ATP6V1C1: variants seen among roughly 807,000 people sequenced by gnomAD.
The protein encoded by ATP6V1C1 is ATPase H+ transporting V1 subunit C1.
A neutral mutation model predicts 53.9 loss-of-function variants in ATP6V1C1; 45 were observed. That is an observed-to-expected ratio of 0.83 (90% CI 0.66 to 1.07). The LOEUF (loss-of-function observed/expected upper bound fraction) is 1.07. Ranked by LOEUF, ATP6V1C1 falls within the 50% of genes least tolerant of loss-of-function variation. ATP6V1C1 has a pLI of 0.00. For synonymous variants in ATP6V1C1, 153 were observed against 155.2 expected (o/e 0.99, Z 0.11); for missense variants, 315 against 440.3 (o/e 0.72, Z 2.55).
intron 12 of ATP6V1C1, among the ~76,000 whole-genome samples, chr8:103,067,592 CTT>C (rs1379745586): frequency 2.3e-5 from 3 of 130,108 alleles, no homozygotes; most frequent in Non-Finnish European, 5.0e-5. Context: ...CACTTTTTTT[CTT>C]TTTCTTTTTT....
chr8:103,022,773 G>A (rs1334586334), intron 1 of ATP6V1C1, among the ~76,000 whole-genome samples: 2 of 152,140 alleles, frequency 1.3e-5, no homozygotes, highest in Non-Finnish European at 2.9e-5. Flanking sequence ...TCCAGGCCTG[G>A]CAGGGTGGCT....
intron 4 of ATP6V1C1, among the ~76,000 whole-genome samples, chr8:103,049,273 A>G (rs540688218): frequency 6.6e-6 from 1 of 152,354 alleles, no homozygotes; most frequent in East Asian, 1.9e-4. Flanking sequence ...ATTTACAAGT[A>G]AGTTTCCAAG....
chr8:103,058,700 AATATTCAATCT>A (rs1817334303), intron 8 of ATP6V1C1, among the ~76,000 whole-genome samples: 1 of 152,250 alleles, frequency 6.6e-6, no homozygotes. Context: ...TATTCACTTT[AATATTCAATCT>A]AATATTTTTC....
At chr8:103,066,956 T>C (rs1304758795) in intron 12 of ATP6V1C1, among the ~76,000 whole-genome samples, 1 of 150,180 alleles carries the variant, frequency 6.7e-6, no homozygotes, top group Non-Finnish European at 1.5e-5. Flanking sequence ...CTGGGTAACA[T>C]AGTAAGATCC....
intron 1 of ATP6V1C1, among the ~76,000 whole-genome samples, chr8:103,033,371 G>A (rs1386704690): frequency 2.0e-5 from 3 of 152,186 alleles, no homozygotes; most frequent in Non-Finnish European, 4.4e-5. Context: ...AAAACGGGAA[G>A]TGAGGGAAGC....
At chr8:103,038,233 G>C (rs926655109) in intron 1 of ATP6V1C1, among the ~76,000 whole-genome samples, 8 of 152,162 alleles carry the variant, frequency 5.3e-5, no homozygotes, top group African/African-American at 1.9e-4. Context: ...GGTTCATGCT[G>C]GTTGTTGGTT....
In ATP6V1C1 at chr8:103,065,152, C is replaced by A. The variant is rs576843376; in HGVS notation, c.926+341C>A. On this transcript the variant is annotated intron_variant, in intron 11 of 12. Coordinates refer to ENST00000518738, the MANE Select transcript of ATP6V1C1 (RefSeq NM_001695.5). ...CATTGGATACATAGTATGCTAATGA[C>A]TTATTGAAATCATTTCATATTAACC... 3.3e-5 allele frequency among the ~76,000 whole-genome samples: 5 copies of A among 152,226 alleles called. No individual in the cohort carries two copies. In the East Asian group the frequency reaches 9.6e-4, roughly 29 times the overall value.
intron 1 of ATP6V1C1, among the ~76,000 whole-genome samples, chr8:103,022,912 G>T (rs1816623722): frequency 6.6e-6 from 1 of 152,112 alleles, no homozygotes; most frequent in African/African-American, 2.4e-5. Context: ...AACTAGCTGG[G>T]AGTGGTGGTG....
intron 12 of ATP6V1C1, 91 bp downstream of exon 12, chr8:103,066,538 G>A (rs1817494467): frequency 7.5e-7 from 1 of 1,329,986 alleles, no homozygotes; most frequent in Non-Finnish European, 1.0e-6. Context: ...GGGAGGGTAA[G>A]TATGAAACTT....
At chr8:103,047,060 G>T (rs1461075441) in intron 3 of ATP6V1C1, among the ~76,000 whole-genome samples, 2 of 152,196 alleles carry the variant, frequency 1.3e-5, no homozygotes, top group Admixed American at 1.3e-4. Context: ...CCTTTTGAAG[G>T]AATGGGTGAA....
At chr8:103,062,229 G>A (rs886156972) in intron 8 of ATP6V1C1, among the ~76,000 whole-genome samples, 1 of 130,024 alleles carries the variant, frequency 7.7e-6, no homozygotes, top group African/African-American at 2.9e-5. Flanking sequence ...GGAGTGCAGT[G>A]GTGCAATCTC....
intron 1 of ATP6V1C1, among the ~76,000 whole-genome samples, chr8:103,033,453 C>T (rs1816833556): frequency 6.6e-6 from 1 of 152,118 alleles, no homozygotes; most frequent in Non-Finnish European, 1.5e-5. Context: ...GAAGAATATT[C>T]AGCAAATATC....
At position 103,048,961 on chromosome 8, in the gene ATP6V1C1, C is replaced by T. The variant is rs1328610513; in HGVS notation, c.286+6C>T. The T allele has an allele frequency of 6.2e-7, 1 of 1,609,230 alleles. No homozygotes were observed. Among genetic ancestry groups the T allele is most frequent in the Non-Finnish European group, 8.5e-7 (1 of 1,176,474 alleles). On this transcript the variant is annotated splice_donor_region_variant and intron_variant, in intron 4 of 12. Transcript: ENST00000518738. ...GAATCTGTTGGCTAATGGAGGTAAG[C>T]TAATGCTCATGATTGATCATTATTA...
intron 10 of ATP6V1C1, 105 bp downstream of exon 10, chr8:103,063,333 C>A: frequency 4.1e-6 from 3 of 736,406 alleles, no homozygotes; most frequent in South Asian, 2.2e-5. Flanking sequence ...GGTTTTAAGA[C>A]ATTTGATTTT....
chr8:103,036,372 A>AG (rs1563602271), intron 1 of ATP6V1C1, among the ~76,000 whole-genome samples: 1 of 152,196 alleles, frequency 6.6e-6, no homozygotes, highest in Non-Finnish European at 1.5e-5. Flanking sequence ...TCCAACACCT[A>AG]GGCTCTAGGG....
intron 10 of ATP6V1C1, among the ~76,000 whole-genome samples, chr8:103,063,993 T>C (rs865976367): frequency 1.3e-5 from 2 of 152,174 alleles, no homozygotes; most frequent in East Asian, 3.8e-4. Context: ...AAAATCCTTT[T>C]AAAAAATAGA....
intron 8 of ATP6V1C1, among the ~76,000 whole-genome samples, chr8:103,062,232 G>T (rs1166223654): frequency 7.6e-6 from 1 of 131,682 alleles, no homozygotes; most frequent in African/African-American, 2.9e-5. Flanking sequence ...GTGCAGTGGT[G>T]CAATCTCAGC....
chr8:103,033,540 A>G (rs539106006), intron 1 of ATP6V1C1, among the ~76,000 whole-genome samples: 3 of 152,266 alleles, frequency 2.0e-5, no homozygotes, highest in East Asian at 3.9e-4. Context: ...CATGATTTCC[A>G]CTTACCGTCC....
chr8:103,040,296 C>A (rs1218156790), intron 1 of ATP6V1C1, among the ~76,000 whole-genome samples: 2 of 151,856 alleles, frequency 1.3e-5, no homozygotes, highest in Non-Finnish European at 2.9e-5. Flanking sequence ...TGGCTGTAAT[C>A]CCAGCTACTC....
Sources: gnomAD v4.1 joint callset for allele counts (sites outside exome capture counted in the v4.1 genomes callset) on GRCh38, gnomAD v4.1.1 for gene constraint, MANE v1.5 for transcripts, NCBI Gene and HGNC (gene_info 2026-07-23, HGNC 2026-07-21) for gene names.